Variants in ZNF100 observed in about 807,000 individuals in gnomAD.
ZNF100 encodes the protein zinc finger protein 100.
A neutral mutation model predicts 15.8 loss-of-function variants in ZNF100; 12 were observed. The ratio of observed to expected loss-of-function variants is 0.76; its 90% CI spans 0.49 to 1.23. The LOEUF (loss-of-function observed/expected upper bound fraction) is 1.23, where lower values mean the gene tolerates loss of function less well. ZNF100 is among the 50% of genes most tolerant of loss of function. The pLI, the probability that ZNF100 is intolerant of heterozygous loss-of-function variation, is 0.00. For missense variants in ZNF100, 670 were observed against 635.6 expected (o/e 1.05, Z -0.58); for synonymous variants, 226 against 214.8 (o/e 1.05, Z -0.45).
chr19:21,735,823 C>T (rs1008859253), intron 4 of ZNF100, among the ~76,000 whole-genome samples: 1 of 152,156 alleles, frequency 6.6e-6, no homozygotes, highest in Non-Finnish European at 1.5e-5. Context: ...GAGTCTTACT[C>T]TGTCACCCAG....
intron 1 of ZNF100, 51 bp downstream of exon 1, chr19:21,767,376 T>A: frequency 6.2e-7 from 1 of 1,609,734 alleles, no homozygotes; most frequent in Non-Finnish European, 8.5e-7. Flanking sequence ...TCCCACCAGT[T>A]CCAACCAGCC....
rs1055038601 is a variant in ZNF100, at chr19:21,766,522, C to T, written c.4-736G>A. 4.5e-4 allele frequency among the ~76,000 whole-genome samples: 69 copies of T among 151,720 alleles called. 1 individual carries two copies. Among genetic ancestry groups the T allele is most frequent in the African/African-American group, 1.6e-3 (65 of 41,358 alleles). On this transcript the variant is annotated intron_variant, in intron 1 of 4. Coordinates refer to ENST00000358296, the MANE Select transcript of ZNF100 (RefSeq NM_173531.4). ...AACTGTTAATTAACCTCTGATTACACAACCAGGAAATCTTCACCTGTATTG... is the reference window on the plus strand; with the variant it reads ...AACTGTTAATTAACCTCTGATTACATAACCAGGAAATCTTCACCTGTATTG...
At position 21,726,530 on chromosome 19, in the gene ZNF100, T is replaced by A; in HGVS notation, c.*153A>T. ...GTCACATCTTTCTGGTTTGTAGAAT[T>A]TCTCTCTAGTATGAATTATCTTATG... On this transcript the variant is annotated 3_prime_UTR_variant, in exon 5 of 5. Transcript: ENST00000358296. 1 of 696,506 alleles carries A rather than the reference T, an allele frequency of 1.4e-6. No homozygotes were observed. The highest frequency in any genetic ancestry group is 2.8e-5 in the East Asian group (1 of 35,460). 43.1% of individuals were successfully genotyped at this position (696,506 alleles called of 1,614,324 possible).
At chr19:21,739,295 C>T (rs1202540340) in intron 4 of ZNF100, among the ~76,000 whole-genome samples, 3 of 152,158 alleles carry the variant, frequency 2.0e-5, no homozygotes, top group South Asian at 2.1e-4. Context: ...GTGGCTGATA[C>T]GCATAATTTC....
In ZNF100 at chr19:21,743,873, A is replaced by G. The variant is rs1405086508; in HGVS notation, c.322+144T>C. On this transcript the variant is annotated intron_variant, in intron 4 of 4. Transcript: ENST00000358296. ...ACAGCCAAAAAAAAAAAAAAAAAAA[A>G]AGCCCAAAAAACAAAAACACTCAGG... 2.1e-5 allele frequency: 11 copies of G among 522,636 alleles called. No individual in the cohort carries two copies. The East Asian group carries it at 5.4e-4, about 26-fold the overall frequency. 32.4% of individuals were successfully genotyped at this position (522,636 alleles called of 1,614,324 possible).
At chr19:21,755,826 A>G (rs1225455466) in intron 2 of ZNF100, among the ~76,000 whole-genome samples, 3 of 152,158 alleles carry the variant, frequency 2.0e-5, no homozygotes, top group Non-Finnish European at 2.9e-5. Context: ...GCAAACTAAC[A>G]CAGGAACAGA....
At chr19:21,765,647 T>C in intron 2 of ZNF100, 47 bp downstream of exon 2, 4 of 1,578,840 alleles carry the variant, frequency 2.5e-6, no homozygotes, top group Non-Finnish European at 3.5e-6. Context: ...CTCCAAGAAA[T>C]GAAAGCTGGG....
chr19:21,745,716 G>C (rs970530409), intron 2 of ZNF100, among the ~76,000 whole-genome samples: 1 of 152,034 alleles, frequency 6.6e-6, no homozygotes, highest in African/African-American at 2.4e-5. Context: ...TAGAGACGGG[G>C]TTTCACCTTG....
At chr19:21,736,209 T>A (rs1219752236) in intron 4 of ZNF100, among the ~76,000 whole-genome samples, 1 of 152,212 alleles carries the variant, frequency 6.6e-6, no homozygotes, top group Non-Finnish European at 1.5e-5. Context: ...TGCCTCAGCT[T>A]CCTGAGTAGG....
chr19:21,744,228 A>C (rs1599390861), intron 3 of ZNF100, 113 bp from the exon 4 acceptor site: 1 of 979,392 alleles, frequency 1.0e-6, no homozygotes, highest in East Asian at 3.1e-5. Context: ...ATCCTAACGT[A>C]CTAATTAATG....
chr19:21,726,862 G>A lies in ZNF100; in HGVS notation c.1450C>T (p.Pro484Ser), dbSNP rs200834313. 7 of 1,612,996 alleles carry A rather than the reference G, an allele frequency of 4.3e-6. No individual in the cohort carries two copies. In the South Asian group the frequency reaches 7.7e-5, roughly 18 times the overall value. ...AHKMIHTGEKPYKCEECGKAF... is the reference protein window; with the variant it reads ...AHKMIHTGEKSYKCEECGKAF... ...TTGCCACATTCCTCACATTTGTAGG[G>A]TTTCTCTCCAGTATGAATCATCTTA... Residue 484 changes from proline to serine, a missense_variant, in exon 5 of 5, where the codon CCC becomes TCC. Physicochemically the swap from Pro to Ser is moderately conservative, Grantham distance 74. Coordinates refer to ENST00000358296, the MANE Select transcript of ZNF100 (RefSeq NM_173531.4).
intron 4 of ZNF100, among the ~76,000 whole-genome samples, chr19:21,740,203 G>C (rs1279663980): frequency 6.6e-6 from 1 of 152,162 alleles, no homozygotes; most frequent in African/African-American, 2.4e-5. Context: ...CTTCCACAAA[G>C]CTGCCATGAA....
At chr19:21,762,945 G>A (rs145683012) in intron 2 of ZNF100, among the ~76,000 whole-genome samples, 47 of 152,248 alleles carry the variant, frequency 3.1e-4, no homozygotes, top group Admixed American at 2.4e-3. Context: ...CCAAGATGGT[G>A]ATGAGTGTGA....
chr19:21,760,789 C>T lies in ZNF100; in HGVS notation c.96+4905G>A, dbSNP rs556256333. 2.5e-4 allele frequency among the ~76,000 whole-genome samples: 33 copies of T among 133,892 alleles called. No individual in the cohort carries two copies. In the East Asian group the frequency reaches 5.1e-3, roughly 21 times the overall value. 87.8% of individuals were successfully genotyped at this position (133,892 alleles called of 152,430 possible). ...TTTTTTTTTTTGAGATGGAGTCTCA[C>T]TCTGTCGCCCAGGCTGGAGTGCAGT... On this transcript the variant is annotated intron_variant, in intron 2 of 4. Transcript: ENST00000358296.
chr19:21,762,993 T>C (rs1447606190), intron 2 of ZNF100, among the ~76,000 whole-genome samples: 1 of 152,192 alleles, frequency 6.6e-6, no homozygotes, highest in Admixed American at 6.5e-5. Flanking sequence ...CCATCAGTGC[T>C]ATGAGAGTTT....
rs1336473485 is a variant in ZNF100, at chr19:21,724,146, G to A, written c.*2537C>T. On this transcript the variant is annotated 3_prime_UTR_variant, in exon 5 of 5. Transcript: ENST00000358296. The stretch of plus-strand genomic sequence containing the variant: ...AACAGAATTTTCATGGGGAGATTCA[G>A]AACTATAAGCCACAGAATGTACAGT... 6.6e-6 allele frequency: 1 copy of A among 152,170 alleles called. No individual in the cohort carries two copies. Among genetic ancestry groups the A allele is most frequent in the Non-Finnish European group, 1.5e-5 (1 of 67,996 alleles). 9.4% of individuals were successfully genotyped at this position (152,170 alleles called of 1,614,324 possible).
At chr19:21,747,487 A>T (rs2145723107) in intron 2 of ZNF100, among the ~76,000 whole-genome samples, 1 of 152,292 alleles carries the variant, frequency 6.6e-6, no homozygotes, top group African/African-American at 2.4e-5. Flanking sequence ...ATGTAATGTG[A>T]TTCTGCATGT....
At chr19:21,767,291 G>A in intron 1 of ZNF100, 136 bp downstream of exon 1, 6 of 1,472,762 alleles carry the variant, frequency 4.1e-6, no homozygotes, top group Non-Finnish European at 5.6e-6. Flanking sequence ...TGGCCGAAGG[G>A]GACGGAGGCC....
intron 2 of ZNF100, among the ~76,000 whole-genome samples, chr19:21,759,414 A>C (rs2036444041): frequency 6.6e-6 from 1 of 152,214 alleles, no homozygotes; most frequent in African/African-American, 2.4e-5. Flanking sequence ...GGAAAGAAAC[A>C]CTCTTCCATT....
Sources: gnomAD v4.1 joint callset for allele counts (sites outside exome capture counted in the v4.1 genomes callset) on GRCh38, gnomAD v4.1.1 for gene constraint, MANE v1.5 for transcripts, NCBI Gene and HGNC (gene_info 2026-07-23, HGNC 2026-07-21) for gene names.